Variants in RANBP2 observed in about 807,000 individuals in gnomAD.
RANBP2 encodes the protein RAN binding protein 2, also known as E3 SUMO-protein ligase RanBP2.
In RANBP2, 57 loss-of-function variants were observed where a neutral mutation model predicts 303.6. The observed-to-expected ratio is 0.19, with a 90% CI of 0.15 to 0.23. The LOEUF is 0.23. RANBP2 is among the 10% of genes least tolerant of loss of function. RANBP2 has a pLI of 1.00. For synonymous variants in RANBP2, 1,167 were observed against 1,301.5 expected (o/e 0.90, Z 2.23); for missense variants, 3,138 against 3,780.8 (o/e 0.83, Z 4.46).
At chr2:109,658,090 C>A in the RANBP2 span, among the ~76,000 whole-genome samples, 1 of 151,928 alleles carries the variant, frequency 6.6e-6, no homozygotes, top group Non-Finnish European at 1.5e-5. Flanking sequence ...AATTAGGCTG[C>A]ATCAGAGTTC....
the RANBP2 span, among the ~76,000 whole-genome samples, chr2:109,291,263 A>T: frequency 6.6e-6 from 1 of 151,614 alleles, no homozygotes; most frequent in Non-Finnish European, 1.5e-5. Flanking sequence ...TTGGGAGAAA[A>T]AGAAACAGAG....
the RANBP2 span, among the ~76,000 whole-genome samples, chr2:109,069,487 G>A: frequency 5.9e-5 from 9 of 152,204 alleles, no homozygotes; most frequent in African/African-American, 1.4e-4. Flanking sequence ...AGTGCCTTCC[G>A]CCCTGCTGGC....
chr2:109,470,312 C>G, the RANBP2 span, among the ~76,000 whole-genome samples: 1 of 152,168 alleles, frequency 6.6e-6, no homozygotes, highest in Non-Finnish European at 1.5e-5. Context: ...GAAATCCATG[C>G]TTGCATTTCG....
At chr2:108,769,680 A>G (rs1341322281) in intron 20 of RANBP2, among the ~76,000 whole-genome samples, 2 of 152,112 alleles carry the variant, frequency 1.3e-5, no homozygotes, top group Non-Finnish European at 2.9e-5. Flanking sequence ...TACAATATGG[A>G]AGAGTGTCCC....
At chr2:108,812,705 A>G in the RANBP2 span, 2 of 1,608,394 alleles carry the variant, frequency 1.2e-6, no homozygotes, top group African/African-American at 2.7e-5. Context: ...TAGATAATTT[A>G]CAGGTAAGTT....
chr2:109,500,338 C>T, the RANBP2 span, among the ~76,000 whole-genome samples: 2 of 152,148 alleles, frequency 1.3e-5, no homozygotes, highest in Admixed American at 1.3e-4. Flanking sequence ...GAGCACCTGC[C>T]ACAGCCCAGA....
At chr2:109,078,771 A>G in the RANBP2 span, among the ~76,000 whole-genome samples, 2 of 150,712 alleles carry the variant, frequency 1.3e-5, no homozygotes, top group Admixed American at 6.6e-5. Flanking sequence ...TCACGAGGTC[A>G]GGAGATCGAG....
the RANBP2 span, among the ~76,000 whole-genome samples, chr2:109,458,150 G>T: frequency 1.3e-5 from 2 of 152,144 alleles, no homozygotes; most frequent in Admixed American, 6.5e-5. Context: ...GGGACAGTTT[G>T]GTTTTTATTC....
chr2:109,650,396 A>G, the RANBP2 span, among the ~76,000 whole-genome samples: 1 of 152,224 alleles, frequency 6.6e-6, no homozygotes, highest in East Asian at 1.9e-4. Flanking sequence ...AGGACCACCT[A>G]TGTGAGCCAG....
chr2:108,897,855 C>T, the RANBP2 span, among the ~76,000 whole-genome samples: 1 of 152,192 alleles, frequency 6.6e-6, no homozygotes, highest in African/African-American at 2.4e-5. Flanking sequence ...CCTGGACATT[C>T]TGTGTAAAAC....
the RANBP2 span, among the ~76,000 whole-genome samples, chr2:109,640,620 G>A: frequency 6.6e-6 from 1 of 152,072 alleles, no homozygotes; most frequent in East Asian, 1.9e-4. Context: ...GGGCCTCGCG[G>A]GACTGCAGCA....
the RANBP2 span, among the ~76,000 whole-genome samples, chr2:108,849,051 C>T: frequency 2.0e-5 from 3 of 152,180 alleles, no homozygotes; most frequent in East Asian, 5.8e-4. Context: ...AGACTTCAAT[C>T]AGATTTCTGC....
chr2:109,432,063 G>C, the RANBP2 span, among the ~76,000 whole-genome samples: 5 of 152,284 alleles, frequency 3.3e-5, no homozygotes, highest in Admixed American at 3.3e-4. Context: ...CCCAAGAATA[G>C]CTTAGCTCAC....
chr2:109,428,674 A>C, the RANBP2 span, among the ~76,000 whole-genome samples: 1 of 152,206 alleles, frequency 6.6e-6, no homozygotes, highest in African/African-American at 2.4e-5. Flanking sequence ...CTGATCCTAA[A>C]ATCCCATGAT....
At chr2:109,581,962 A>AC in the RANBP2 span, among the ~76,000 whole-genome samples, 1 of 152,166 alleles carries the variant, frequency 6.6e-6, no homozygotes, top group East Asian at 1.9e-4. Context: ...CTGATATACA[A>AC]CTTCAGTGAA....
the RANBP2 span, chr2:109,616,262 C>T: frequency 1.2e-6 from 1 of 827,988 alleles, no homozygotes; most frequent in Non-Finnish European, 1.7e-6. Flanking sequence ...TTCATCATAC[C>T]TTGACCTGTA....
At chr2:109,687,987 G>T in the RANBP2 span, among the ~76,000 whole-genome samples, 1 of 152,106 alleles carries the variant, frequency 6.6e-6, no homozygotes, top group Non-Finnish European at 1.5e-5. Context: ...ATGATGACAT[G>T]AACAAACCAG....
At chr2:109,138,865 A>C in the RANBP2 span, among the ~76,000 whole-genome samples, 1 of 152,210 alleles carries the variant, frequency 6.6e-6, no homozygotes, top group Non-Finnish European at 1.5e-5. Flanking sequence ...TGTGTTAAGC[A>C]CTGGAATATA....
chr2:108,927,109 T>C, the RANBP2 span, among the ~76,000 whole-genome samples: 2 of 152,278 alleles, frequency 1.3e-5, no homozygotes, highest in East Asian at 3.9e-4. Flanking sequence ...CAGCACATCA[T>C]GGAGCCAACC....
Sources: gnomAD v4.1 joint callset for allele counts (sites outside exome capture counted in the v4.1 genomes callset) on GRCh38, gnomAD v4.1.1 for gene constraint, MANE v1.5 for transcripts, NCBI Gene and HGNC (gene_info 2026-07-23, HGNC 2026-07-21) for gene names.